CRMP1: variants seen among roughly 807,000 people sequenced by gnomAD.
CRMP1 encodes the protein collapsin response mediator protein 1.
Under a neutral mutation model 68.3 loss-of-function variants are expected in CRMP1, and 19 were observed. The observed-to-expected ratio is 0.28, with a 90% CI of 0.19 to 0.41. The LOEUF is 0.41. Ranked by LOEUF, CRMP1 falls within the 10% of genes least tolerant of loss-of-function variation. CRMP1 has a pLI of 1.00. For missense variants in CRMP1, 791 were observed against 967.4 expected (o/e 0.82, Z 2.42); for synonymous variants, 439 against 399.6 (o/e 1.10, Z -1.18).
Position 5,858,713 on chromosome 4 carries a change from AC to A in CRMP1, c.655+2312del, listed in dbSNP as rs552365797. Among the ~76,000 whole-genome samples the A allele has an allele frequency of 5.7e-3, 870 of 152,204 alleles. 10 individuals are homozygous for A. The highest frequency in any genetic ancestry group is 0.012 in the South Asian group (60 of 4,826). On this transcript the variant is annotated intron_variant, in intron 3 of 13. Coordinates refer to ENST00000324989, the MANE Select transcript of CRMP1 (RefSeq NM_001014809.3). This position sits in a 1 kb window ranked among gnomAD's most constrained non-coding sequence, Gnocchi z 5.5. ...GTTCACATCTCTCCCTGCTTAAAAT[AC>A]CTCAACATTGCCCATCACCCATATG... is the stretch of plus-strand genomic sequence containing the variant.
intron 1 of CRMP1, among the ~76,000 whole-genome samples, chr4:5,868,269 A>AGATATATCTATC (rs1560513209): frequency 2.9e-4 from 5 of 17,180 alleles, no homozygotes; most frequent in African/African-American, 8.5e-4. Context: ...ATCTATATAT[A>AGATATATCTATC]TATATATATA....
intron 13 of CRMP1, chr4:5,824,807 A>G (rs1176368898): frequency 5.0e-5 from 49 of 985,266 alleles, no homozygotes; most frequent in Non-Finnish European, 5.8e-5. Flanking sequence ...TTGCAGGACA[A>G]AATTCCAGTT....
intron 1 of CRMP1, among the ~76,000 whole-genome samples, chr4:5,869,681 C>CAAAAAA (rs33973891): frequency 2.6e-4 from 24 of 92,778 alleles, no homozygotes; most frequent in East Asian, 3.2e-4. Context: ...AAGACTCCGT[C>CAAAAAA]AAAAAAAAAA....
In CRMP1 at chr4:5,889,743, G is replaced by T. The variant is rs557924123; in HGVS notation, c.381+2846C>A. 2 of 1,535,266 alleles carry T rather than the reference G, an allele frequency of 1.3e-6. No homozygotes were observed. Among genetic ancestry groups the T allele is most frequent in the African/African-American group, 2.7e-5 (2 of 73,136 alleles). On this transcript the variant is annotated intron_variant, in intron 1 of 13. Coordinates refer to ENST00000324989, the MANE Select transcript of CRMP1 (RefSeq NM_001014809.3). This position sits in a 1 kb window ranked among gnomAD's most constrained non-coding sequence, Gnocchi z 4.5. ...TCCAGAGCGAGGGTGGCCTAGGCTT[G>T]GTACAGCTCCCCCAGCACTGTGGTT... is the stretch of plus-strand genomic sequence containing the variant.
At chr4:5,849,371 G>A (rs1292026959) in intron 6 of CRMP1, 21 bp downstream of exon 6, 1 of 1,591,170 alleles carries the variant, frequency 6.3e-7, no homozygotes, top group Non-Finnish European at 8.6e-7. Flanking sequence ...GGTAGAAGGA[G>A]TGGAAATTCT....
rs769679020 is a variant in CRMP1, at chr4:5,881,797, T to C, written c.381+10792A>G. Among the ~76,000 whole-genome samples, 4 of 152,164 alleles carry C rather than the reference T, an allele frequency of 2.6e-5. No individual in the cohort carries two copies. The highest frequency in any genetic ancestry group is 5.9e-5 in the Non-Finnish European group (4 of 68,018). ...CACATCGGCAGAGAATTTTTTTGAGTACACCACTGTGCTCACAGCACACAG... is the reference window on the plus strand; with the variant it reads ...CACATCGGCAGAGAATTTTTTTGAGCACACCACTGTGCTCACAGCACACAG... On this transcript the variant is annotated intron_variant, in intron 1 of 13. Coordinates refer to ENST00000324989, the MANE Select transcript of CRMP1 (RefSeq NM_001014809.3). This position sits in a 1 kb window ranked among gnomAD's most constrained non-coding sequence, Gnocchi z 4.6.
In CRMP1 at chr4:5,879,012, C is replaced by A. The variant is rs1271835871; in HGVS notation, c.382-12256G>T. Among the ~76,000 whole-genome samples, 1 of 152,152 alleles carries A rather than the reference C, an allele frequency of 6.6e-6. No individual in the cohort carries two copies. Among genetic ancestry groups the A allele is most frequent in the African/African-American group, 2.4e-5 (1 of 41,420 alleles). On this transcript the variant is annotated intron_variant, in intron 1 of 13. Transcript: ENST00000324989. This position sits in a 1 kb window ranked among gnomAD's most constrained non-coding sequence, Gnocchi z 4.2. ...AAGCCCTCACCCCATCTCCCTGCCA[C>A]AGAACTTGTCCACTCCATATGACAG...
At chr4:5,851,104 C>T (rs1016613800) in intron 5 of CRMP1, among the ~76,000 whole-genome samples, 5 of 152,236 alleles carry the variant, frequency 3.3e-5, no homozygotes, top group African/African-American at 1.2e-4. Context: ...CAACACCCAA[C>T]ATCTGGAACA....
intron 2 of CRMP1, among the ~76,000 whole-genome samples, chr4:5,862,465 G>C (rs1365098706): frequency 6.6e-6 from 1 of 152,202 alleles, no homozygotes; most frequent in Non-Finnish European, 1.5e-5. Flanking sequence ...CCAAACGTGT[G>C]GGCTTGCCAA....
rs918296320 is a variant in CRMP1, at chr4:5,824,801, A to G, written c.1969+693T>C. On this transcript the variant is annotated intron_variant, in intron 13 of 13. Transcript: ENST00000324989. ...CCATGCAACGCCTCAAAGAGTTTGC[A>G]GGACAAAATTCCAGTTCAACTTTCT... The G allele has an allele frequency of 3.0e-6, 3 of 985,306 alleles. No individual in the cohort carries two copies. In the African/African-American group the frequency reaches 5.2e-5, roughly 17 times the overall value. The allele number at this position is 985,306 out of a possible 1,614,324, so 61.0% of individuals were successfully genotyped here.
chr4:5,836,867 G>A lies in CRMP1; in HGVS notation c.1350C>T (p.Tyr450=). Residue 450 remains tyrosine (Y), a synonymous_variant, in exon 10 of 14, where the codon TAC becomes TAT. Transcript: ENST00000324989. ...LQVTGSGHCP[Y]STAQKAVGKD... is the part of the protein sequence containing the mutation. ...TGCCCACCGCCTTCTGGGCAGTGCTGTAGGGACAGTGGCCGCTGCCTGTGA... is the reference window on the plus strand; with the variant it reads ...TGCCCACCGCCTTCTGGGCAGTGCTATAGGGACAGTGGCCGCTGCCTGTGA... The A allele has an allele frequency of 1.9e-6, 3 of 1,613,946 alleles. No individual in the cohort carries two copies. The highest frequency in any genetic ancestry group is 2.5e-6 in the Non-Finnish European group (3 of 1,179,896).
intron 1 of CRMP1, among the ~76,000 whole-genome samples, chr4:5,869,303 C>T (rs1362503353): frequency 6.6e-6 from 1 of 152,032 alleles, no homozygotes; most frequent in Non-Finnish European, 1.5e-5. Context: ...GCTTATTTTA[C>T]CATTTGTATT....
rs533295618 is a variant in CRMP1, at chr4:5,880,731, C to G, written c.381+11858G>C. Reference sequence around the variant, plus strand: ...TCTTTTCGCTTTGAGCTCCAAAACTCCTCATGCCACCTTCATCTCATTCTG... The same window carrying G: ...TCTTTTCGCTTTGAGCTCCAAAACTGCTCATGCCACCTTCATCTCATTCTG... On this transcript the variant is annotated intron_variant, in intron 1 of 13. Transcript: ENST00000324989. Among the ~76,000 whole-genome samples the G allele has an allele frequency of 2.0e-5, 3 of 152,218 alleles. No homozygotes were observed. In the South Asian group the frequency reaches 6.2e-4, roughly 32 times the overall value.
Position 5,841,349 on chromosome 4 carries a change from C to G in CRMP1, c.1112G>C (p.Ser371Thr). Residue 371 changes from serine to threonine, a missense_variant, in exon 8 of 14, where the codon AGC becomes ACC. Around this residue, in one of 3 missense-constraint regions of CRMP1, gnomAD observed 594 missense variants for 763.6 expected, o/e 0.78. Coordinates refer to ENST00000324989, the MANE Select transcript of CRMP1 (RefSeq NM_001014809.3). The surrounding 1 kb of genome is among the most constrained non-coding windows in gnomAD (Gnocchi z 6.9). ...AGCGATGATGTCGGCTGCACTCTTG[C>G]TCATGACCTTGGTGATGTACACAGG... ...NCPVYITKVM[S>T]KSAADIIALA... 1 of 1,614,146 alleles carries G rather than the reference C, an allele frequency of 6.2e-7. No individual in the cohort carries two copies.
rs1351925706 is a variant in CRMP1, at chr4:5,855,261, A to C, written c.820+882T>G. Among the ~76,000 whole-genome samples the C allele has an allele frequency of 6.6e-6, 1 of 152,184 alleles. No individual in the cohort carries two copies. Among genetic ancestry groups the C allele is most frequent in the African/African-American group, 2.4e-5 (1 of 41,444 alleles). On this transcript the variant is annotated intron_variant, in intron 4 of 13. Coordinates refer to ENST00000324989, the MANE Select transcript of CRMP1 (RefSeq NM_001014809.3). This position sits in a 1 kb window ranked among gnomAD's most constrained non-coding sequence, Gnocchi z 4.9. ...TTCCTTCCATTTTCTGACTTTCTTTAAATATTGGGGATGATACTGTTATTA... is the reference window on the plus strand; with the variant it reads ...TTCCTTCCATTTTCTGACTTTCTTTCAATATTGGGGATGATACTGTTATTA...
chr4:5,854,533 C>T lies in CRMP1; in HGVS notation c.820+1610G>A, dbSNP rs1340707798. 1.3e-5 allele frequency among the ~76,000 whole-genome samples: 2 copies of T among 151,740 alleles called. No individual in the cohort carries two copies. Among genetic ancestry groups the T allele is most frequent in the Non-Finnish European group, 2.9e-5 (2 of 67,974 alleles). On this transcript the variant is annotated intron_variant, in intron 4 of 13. Coordinates refer to ENST00000324989, the MANE Select transcript of CRMP1 (RefSeq NM_001014809.3). The surrounding 1 kb of genome is among the most constrained non-coding windows in gnomAD (Gnocchi z 4.0). ...GTGCTAGGATTACAGGCATGAGCCA[C>T]CATGGCCAATAATGCCTTCTTGATA... is the stretch of plus-strand genomic sequence containing the variant.
rs1713387055 is a variant in CRMP1 at position 5,859,601 on chromosome 4, G to A, written c.655+1425C>T. Among the ~76,000 whole-genome samples, 2 of 152,196 alleles carry A rather than the reference G, an allele frequency of 1.3e-5. No individual in the cohort carries two copies. The highest frequency in any genetic ancestry group is 6.5e-5 in the Admixed American group (1 of 15,276). On this transcript the variant is annotated intron_variant, in intron 3 of 13. Coordinates refer to ENST00000324989, the MANE Select transcript of CRMP1 (RefSeq NM_001014809.3). This position sits in a 1 kb window ranked among gnomAD's most constrained non-coding sequence, Gnocchi z 5.2. ...TGAGGCTCAGAGAGGCTGAGTGCTG[G>A]CCACAGTCATGCAGTTGCCTGCTGA...
At chr4:5,856,794 TCAC>T (rs1201908947) in intron 3 of CRMP1, among the ~76,000 whole-genome samples, 9 of 135,040 alleles carry the variant, frequency 6.7e-5, no homozygotes, top group African/African-American at 2.0e-4. Flanking sequence ...AGCACCATCA[TCAC>T]CACCACCACC....
chr4:5,876,249 G>A (rs764164092), intron 1 of CRMP1, among the ~76,000 whole-genome samples: 2 of 152,082 alleles, frequency 1.3e-5, no homozygotes, highest in Non-Finnish European at 2.9e-5. Flanking sequence ...TAGTTGGCAA[G>A]TACATTTCAG....
Sources: allele counts gnomAD v4.1 joint callset (sites outside exome capture counted in the v4.1 genomes callset), GRCh38; gene constraint gnomAD v4.1.1; regional missense constraint gnomAD v4.1.1; non-coding constraint Gnocchi (gnomAD v3.1); transcripts MANE v1.5; gene names NCBI Gene and HGNC (gene_info 2026-07-23, HGNC 2026-07-21).